GCN1: variants seen among roughly 807,000 people sequenced by gnomAD.
GCN1 encodes GCN1 activator of EIF2AK4, also known as stalled ribosome sensor GCN1.
GCN1 carries 90 observed loss-of-function variants against 288.4 expected under a neutral mutation model. The observed-to-expected ratio is 0.31, with a 90% confidence interval of 0.26 to 0.37. The LOEUF is 0.37. GCN1 is among the 10% of genes least tolerant of loss of function. The pLI is 1.00. For missense variants in GCN1, 2,586 were observed against 3,419.9 expected, an observed-to-expected ratio of 0.76 and a Z score of 6.08; for synonymous variants, 1,386 against 1,420.2, an observed-to-expected ratio of 0.98 and a Z score of 0.54.
At chr12:120,184,402 ACCT>A (rs2139141307) in intron 3 of GCN1, among the ~76,000 whole-genome samples, 159 bp from the exon 4 acceptor site, 1 of 152,232 alleles carries the variant, frequency 6.6e-6, no homozygotes, top group South Asian at 2.1e-4. Context: ...AGATAAACTC[ACCT>A]CCTCCTAGAG....
At chr12:120,152,724 A>G (rs1320604823) in intron 33 of GCN1, among the ~76,000 whole-genome samples, 1 of 149,960 alleles carries the variant, frequency 6.7e-6, no homozygotes, top group Non-Finnish European at 1.5e-5. Context: ...CAAAACAAAG[A>G]AAAAGAAATT....
In GCN1 at chr12:120,183,625, C is replaced by A. The variant is rs1418207297; in HGVS notation, c.370G>T (p.Val124Leu). Residue 124 changes from valine (V) to leucine (L), a missense_variant, in exon 5 of 58, where the codon GTG becomes TTG. Physicochemically the swap from Val to Leu is conservative, Grantham distance 32. This residue lies in a region of GCN1 where 913 missense variants were observed against 1,107.0 expected (regional missense o/e 0.82). Coordinates refer to ENST00000300648, the MANE Select transcript of GCN1 (RefSeq NM_006836.2). ...LLALTWTCLL[V>L]RIVFPSRAKR... is the part of the protein sequence containing the mutation. ...GCTCTCGATGGAAAGACAATGCGCA[C>A]CAGGAGGCAGGTCCAGGTCAAGGCC... 1 of 1,613,960 alleles carries A rather than the reference C, an allele frequency of 6.2e-7. No individual in the cohort carries two copies. The highest frequency in any genetic ancestry group is 1.7e-5 in the Admixed American group (1 of 60,020).
intron 7 of GCN1, among the ~76,000 whole-genome samples, chr12:120,178,171 C>A (rs1025366209): frequency 6.6e-6 from 1 of 152,220 alleles, no homozygotes; most frequent in Non-Finnish European, 1.5e-5. Context: ...TGACCCACAG[C>A]CTAAATCAGG....
In GCN1 at chr12:120,144,933, G is replaced by A. The variant is rs761418228; in HGVS notation, c.5145C>T (p.Gly1715=). Residue 1715 remains glycine (G), a synonymous_variant, in exon 40 of 58, where the codon GGC becomes GGT. Coordinates refer to ENST00000300648, the MANE Select transcript of GCN1 (RefSeq NM_006836.2). This position sits in a 1 kb window ranked among gnomAD's most constrained non-coding sequence, Gnocchi z 4.7. Reference sequence around the variant, plus strand: ...CTGCTCTGGCCTTACCCTGTGCAGCGCCTGAGCGATCCACAGAGCTCTGCT... The same window carrying A: ...CTGCTCTGGCCTTACCCTGTGCAGCACCTGAGCGATCCACAGAGCTCTGCT... ...TYEQSSVDRS[G]AAQGLAEVMA... is the part of the protein sequence containing the mutation. 1.8e-5 allele frequency: 29 copies of A among 1,614,036 alleles called. No homozygotes were observed. The highest frequency in any genetic ancestry group is 1.6e-4 in the Middle Eastern group (1 of 6,082).
chr12:120,177,502 C>T lies in GCN1; in HGVS notation c.783G>A (p.Leu261=). 1 of 1,611,986 alleles carries T rather than the reference C, an allele frequency of 6.2e-7. No homozygotes were observed. The change falls in exon 9 of 58, where the codon CTG becomes CTA. Residue 261 remains leucine, a synonymous_variant. Transcript: ENST00000300648. ...RYLSHSEFKD[L]ILPTIQKSLL... ...AGGACTTCTGTATGGTGGGCAGTAT[C>T]AGATCCTTAAATTCTGAGTGGGACA...
At chr12:120,161,380 A>T in intron 22 of GCN1, 110 bp downstream of exon 22, 1 of 724,512 alleles carries the variant, frequency 1.4e-6, no homozygotes, top group Non-Finnish European at 2.5e-6. Flanking sequence ...GGAGTGTGCC[A>T]TGGGCCTCAG....
chr12:120,139,781 T>A (rs554634391), intron 45 of GCN1, among the ~76,000 whole-genome samples: 1 of 152,216 alleles, frequency 6.6e-6, no homozygotes, highest in Non-Finnish European at 1.5e-5. Context: ...TCTGGCCCCC[T>A]CTCTCCCTGG....
At position 120,138,872 on chromosome 12, in the gene GCN1, A is replaced by G. The variant is rs1350799140; in HGVS notation, c.5995-16T>C. 1 of 1,596,846 alleles carries G rather than the reference A, an allele frequency of 6.3e-7. No homozygotes were observed. The highest frequency in any genetic ancestry group is 1.3e-5 in the African/African-American group (1 of 74,472). On this transcript the variant is annotated splice_polypyrimidine_tract_variant and intron_variant, in intron 45 of 57. Transcript: ENST00000300648. ...AATACAGCACCTGCAATGGCAAGCTACAACTGTACCAGATGCAGGAAAGGC... is the reference window on the plus strand; with the variant it reads ...AATACAGCACCTGCAATGGCAAGCTGCAACTGTACCAGATGCAGGAAAGGC...
intron 56 of GCN1, among the ~76,000 whole-genome samples, chr12:120,129,996 C>A (rs56049778): frequency 0.021 from 3,263 of 152,286 alleles, 83 homozygotes; most frequent in East Asian, 0.1. Flanking sequence ...TCGAATCAGG[C>A]CCCTCAGAAA....
At chr12:120,143,508 G>A (rs1877263157) in intron 42 of GCN1, among the ~76,000 whole-genome samples, 1 of 152,032 alleles carries the variant, frequency 6.6e-6, no homozygotes, top group Non-Finnish European at 1.5e-5. Context: ...CTTGAACCCG[G>A]GAGGCAGAGG....
intron 2 of GCN1, among the ~76,000 whole-genome samples, chr12:120,187,899 A>AC (rs967892150): frequency 7.9e-5 from 12 of 151,968 alleles, no homozygotes; most frequent in Non-Finnish European, 1.3e-4. Flanking sequence ...AAAAAAAAAA[A>AC]AACAAAAAAC....
intron 26 of GCN1, among the ~76,000 whole-genome samples, 197 bp downstream of exon 26, chr12:120,157,652 G>C (rs1877791725): frequency 6.6e-6 from 1 of 152,202 alleles, no homozygotes. Flanking sequence ...GAGAGCCAGA[G>C]TCTACAATCA....
chr12:120,139,851 G>C (rs1173451739), intron 45 of GCN1, among the ~76,000 whole-genome samples: 1 of 152,140 alleles, frequency 6.6e-6, no homozygotes, highest in East Asian at 1.9e-4. Flanking sequence ...TCTCAATCCA[G>C]ACTTTGTGCT....
At chr12:120,160,350 C>T (rs1174882002) in intron 22 of GCN1, 95 bp from the exon 23 acceptor site, 1 of 840,168 alleles carries the variant, frequency 1.2e-6, no homozygotes, top group East Asian at 2.5e-5. Context: ...ACAAACAGCA[C>T]CATACCAGCT....
chr12:120,177,634 T>A (rs746255641), intron 8 of GCN1, 50 bp downstream of exon 8: 2 of 1,558,548 alleles, frequency 1.3e-6, no homozygotes, highest in African/African-American at 2.7e-5. Context: ...CATCCCAGAA[T>A]TGAAAATGGG....
Position 120,158,783 on chromosome 12 carries a change from C to T in GCN1, c.2750-168G>A, listed in dbSNP as rs1379232008. Among the ~76,000 whole-genome samples the T allele has an allele frequency of 2.0e-5, 3 of 152,062 alleles. No individual in the cohort carries two copies. Among genetic ancestry groups the T allele is most frequent in the Non-Finnish European group, 4.4e-5 (3 of 68,004 alleles). On this transcript the variant is annotated intron_variant, in intron 24 of 57. Coordinates refer to ENST00000300648, the MANE Select transcript of GCN1 (RefSeq NM_006836.2). The surrounding 1 kb of genome is among the most constrained non-coding windows in gnomAD (Gnocchi z 4.3). ...ATCCCAGCACTTTGGGAGGCCGAGG[C>T]GGGCGGATCATGAGGTCAGGAGATT...
chr12:120,159,981 T>A lies in GCN1; in HGVS notation c.2593A>T (p.Ile865Phe). 1 of 1,614,132 alleles carries A rather than the reference T, an allele frequency of 6.2e-7. No homozygotes were observed. Among genetic ancestry groups the A allele is most frequent in the Non-Finnish European group, 8.5e-7 (1 of 1,180,008 alleles). The change falls in exon 24 of 58, where the codon ATC (isoleucine) becomes TTC (phenylalanine). Residue 865 changes from isoleucine (I) to phenylalanine (F), a missense_variant. Ile to Phe is a conservative substitution (Grantham distance 21, BLOSUM62 0). Around this residue, in one of 8 missense-constraint regions of GCN1, gnomAD observed 913 missense variants for 1,107.0 expected, o/e 0.82. Transcript: ENST00000300648. ...AGGCCGGACGGGTTCTTGGCCAGGA[T>A]GATGTCCAGCAGTCCAAGCGCCGCC... Reference protein sequence around the residue: ...LEAALGLLDIILAKNPSGLTQ... With the variant: ...LEAALGLLDIFLAKNPSGLTQ...
chr12:120,127,870 C>T lies in GCN1; in HGVS notation c.7995G>A (p.Val2665=). The change falls in exon 58 of 58, where the codon GTG becomes GTA. Residue 2665 remains valine, a synonymous_variant. Coordinates refer to ENST00000300648, the MANE Select transcript of GCN1 (RefSeq NM_006836.2). ...LASQADSTEQ[V]DDTILT is the part of the protein sequence containing the mutation. ...CCTCTCATGTCAGGATGGTGTCGTC[C>T]ACCTGCTCCGTGGAGTCGGCCTGGC... 1 of 1,613,840 alleles carries T rather than the reference C, an allele frequency of 6.2e-7. No homozygotes were observed. The highest frequency in any genetic ancestry group is 1.1e-5 in the South Asian group (1 of 91,088).
intron 14 of GCN1, among the ~76,000 whole-genome samples, chr12:120,171,993 C>T (rs550374779): frequency 1.3e-5 from 2 of 152,150 alleles, no homozygotes; most frequent in Admixed American, 6.5e-5. Flanking sequence ...ACCTGTGTAG[C>T]TGGGACCACA....
Sources: allele counts gnomAD v4.1 joint callset (sites outside exome capture counted in the v4.1 genomes callset), GRCh38; gene constraint gnomAD v4.1.1; regional missense constraint gnomAD v4.1.1; non-coding constraint Gnocchi (gnomAD v3.1); transcripts MANE v1.5; gene names NCBI Gene and HGNC (gene_info 2026-07-23, HGNC 2026-07-21).